PRKCE: variants seen among roughly 807,000 people sequenced by gnomAD.
PRKCE encodes protein kinase C epsilon.
PRKCE carries 16 observed loss-of-function variants against 85.4 expected under a neutral mutation model. The observed-to-expected ratio is 0.19, with a 90% CI of 0.13 to 0.28. The LOEUF is 0.28. Ranked by LOEUF, PRKCE falls within the 10% of genes least tolerant of loss-of-function variation. The pLI is 1.00. For missense variants in PRKCE, 573 were observed against 975.2 expected, an observed-to-expected ratio of 0.59 and a Z score of 5.49; for synonymous variants, 388 against 371.5, an observed-to-expected ratio of 1.04 and a Z score of -0.51.
At chr2:46,006,286 A>T (rs1048527126) in intron 8 of PRKCE, among the ~76,000 whole-genome samples, 3 of 152,244 alleles carry the variant, frequency 2.0e-5, no homozygotes, top group Non-Finnish European at 4.4e-5. Flanking sequence ...TTCATTTAAT[A>T]ACTGAGGCTT....
chr2:46,160,025 T>TTTGA (rs1227650579), intron 14 of PRKCE: 1 of 394,864 alleles, frequency 2.5e-6, no homozygotes, highest in African/African-American at 2.1e-5. Flanking sequence ...ATTTATTTAT[T>TTTGA]TTGATTGAAA....
intron 11 of PRKCE, 45 bp downstream of exon 11, chr2:46,086,407 A>G (rs763313862): frequency 1.3e-6 from 2 of 1,582,084 alleles, no homozygotes; most frequent in African/African-American, 2.7e-5. Context: ...AAGAAAATAA[A>G]GGATGCTTCA....
At chr2:46,060,744 CTTTTTTTT>C (rs112560158) in intron 10 of PRKCE, among the ~76,000 whole-genome samples, 5 of 140,132 alleles carry the variant, frequency 3.6e-5, no homozygotes, top group Non-Finnish European at 7.8e-5. Context: ...TTTCTCTCTC[CTTTTTTTT>C]TTTTTTGTTT....
intron 2 of PRKCE, among the ~76,000 whole-genome samples, chr2:45,886,960 G>A (rs999238442): frequency 1.3e-5 from 2 of 152,188 alleles, no homozygotes; most frequent in Non-Finnish European, 2.9e-5. Flanking sequence ...GTGTGAGGTG[G>A]ACGATGTCAC....
intron 11 of PRKCE, among the ~76,000 whole-genome samples, chr2:46,115,864 C>T (rs3768752): frequency 5.9e-5 from 9 of 152,008 alleles, no homozygotes; most frequent in Non-Finnish European, 7.4e-5. Context: ...CTTCTGTTTT[C>T]TCTTTGTATA....
At chr2:45,920,321 T>C (rs546374142) in intron 2 of PRKCE, among the ~76,000 whole-genome samples, 1 of 152,210 alleles carries the variant, frequency 6.6e-6, no homozygotes, top group Non-Finnish European at 1.5e-5. Context: ...AATACAGGAC[T>C]ATAAAATGGT....
chr2:45,799,795 C>G (rs1300549405), intron 1 of PRKCE, among the ~76,000 whole-genome samples: 1 of 152,124 alleles, frequency 6.6e-6, no homozygotes, highest in African/African-American at 2.4e-5. Flanking sequence ...TTTCTTCTTG[C>G]TGAGATGATG....
chr2:46,118,589 G>A (rs1286532268), intron 11 of PRKCE, among the ~76,000 whole-genome samples: 1 of 152,144 alleles, frequency 6.6e-6, no homozygotes, highest in Non-Finnish European at 1.5e-5. Context: ...ACTATTATAT[G>A]ATAATCACTG....
chr2:46,078,970 A>G (rs1668802637), intron 10 of PRKCE: 1 of 152,190 alleles, frequency 6.6e-6, no homozygotes, highest in Non-Finnish European at 1.5e-5. Flanking sequence ...CGAGGTCAGG[A>G]GATCAAAACC....
chr2:45,931,389 C>T (rs932277027), intron 2 of PRKCE, among the ~76,000 whole-genome samples: 1 of 152,182 alleles, frequency 6.6e-6, no homozygotes, highest in African/African-American at 2.4e-5. Flanking sequence ...CAAAACAAGG[C>T]TCCATGTGAT....
intron 11 of PRKCE, among the ~76,000 whole-genome samples, chr2:46,117,606 C>T (rs1672901962): frequency 6.6e-6 from 1 of 152,198 alleles, no homozygotes; most frequent in Non-Finnish European, 1.5e-5. Flanking sequence ...GGATGGGATC[C>T]TCCCTTCACA....
intron 4 of PRKCE, 40 bp downstream of exon 4, chr2:45,979,050 G>T (rs1393810119): frequency 5.7e-6 from 9 of 1,586,738 alleles, no homozygotes; most frequent in Middle Eastern, 1.7e-4. Context: ...GAGGCCCGTG[G>T]TTAGATCCAG....
chr2:45,721,792 G>A (rs1185650422), intron 1 of PRKCE, among the ~76,000 whole-genome samples: 1 of 151,404 alleles, frequency 6.6e-6, no homozygotes, highest in Non-Finnish European at 1.5e-5. Context: ...CAGGAGGCTT[G>A]TTTAAGCCTA....
chr2:45,920,607 G>A (rs1428975712), intron 2 of PRKCE, among the ~76,000 whole-genome samples: 5 of 152,186 alleles, frequency 3.3e-5, no homozygotes, highest in Non-Finnish European at 4.4e-5. Flanking sequence ...ATGATATTAA[G>A]CTAAGTCACC....
chr2:46,147,245 C>T (rs571400914), intron 12 of PRKCE, among the ~76,000 whole-genome samples: 3 of 152,326 alleles, frequency 2.0e-5, no homozygotes, highest in East Asian at 3.9e-4. Flanking sequence ...CAAGAGCTTT[C>T]GACAGGGAAC....
chr2:45,689,571 T>C (rs1281320106), intron 1 of PRKCE, among the ~76,000 whole-genome samples: 1 of 151,168 alleles, frequency 6.6e-6, no homozygotes, highest in Non-Finnish European at 1.5e-5. Context: ...ATTTAATAAA[T>C]ATACATAGCA....
At chr2:45,758,247 A>G (rs4953247) in intron 1 of PRKCE, among the ~76,000 whole-genome samples, 95,516 of 152,112 alleles carry the variant, frequency 0.63, 30,526 homozygotes, top group African/African-American at 0.74. Flanking sequence ...ATAGTAATAC[A>G]TACCTCATGA....
At chr2:46,151,280 T>TACAC (rs35676949) in intron 13 of PRKCE, 51 bp downstream of exon 13, 15,694 of 557,502 alleles carry the variant, frequency 0.028, 310 homozygotes, top group African/African-American at 0.073. Flanking sequence ...CTCCTCCCCC[T>TACAC]ACACACACAC....
chr2:45,996,778 A>C (rs906887603), intron 6 of PRKCE, among the ~76,000 whole-genome samples: 8 of 152,116 alleles, frequency 5.3e-5, no homozygotes, highest in Non-Finnish European at 8.8e-5. Context: ...ATATTCATAA[A>C]AGTTATTGAT....
Sources: gnomAD v4.1 joint callset for allele counts (sites outside exome capture counted in the v4.1 genomes callset) on GRCh38, gnomAD v4.1.1 for gene constraint, MANE v1.5 for transcripts, NCBI Gene and HGNC (gene_info 2026-07-23, HGNC 2026-07-21) for gene names.